Variants in STK32A observed in about 807,000 individuals in gnomAD.
STK32A encodes the protein serine/threonine kinase 32A.
STK32A carries 41 observed loss-of-function variants against 53.2 expected under a neutral mutation model. The ratio of observed to expected loss-of-function variants is 0.77; its 90% CI spans 0.60 to 1.00. The LOEUF is 1.00. Among genes scored for constraint, STK32A ranks in the 50% least tolerant of loss-of-function variants. The pLI is 0.00. For synonymous variants in STK32A, 166 were observed against 162.8 expected (o/e 1.02, Z -0.15); for missense variants, 458 against 485.8 (o/e 0.94, Z 0.54).
At chr5:147,270,685 A>G (rs1419073678) in intron 2 of STK32A, among the ~76,000 whole-genome samples, 5 of 152,368 alleles carry the variant, frequency 3.3e-5, no homozygotes, top group South Asian at 4.1e-4. Flanking sequence ...CTGAAAAAAT[A>G]CACATATAAA....
At chr5:147,274,686 G>A (rs921289324) in intron 2 of STK32A, among the ~76,000 whole-genome samples, 1 of 152,164 alleles carries the variant, frequency 6.6e-6, no homozygotes, top group Non-Finnish European at 1.5e-5. Context: ...AGTAAAAGCA[G>A]TTAGTTCCAG....
At chr5:147,338,078 T>C (rs1581111634) in intron 5 of STK32A, among the ~76,000 whole-genome samples, 1 of 152,300 alleles carries the variant, frequency 6.6e-6, no homozygotes, top group East Asian at 1.9e-4. Flanking sequence ...AATTCATCAT[T>C]AGCTATCTGC....
chr5:147,329,478 C>A (rs1754757203), intron 5 of STK32A, among the ~76,000 whole-genome samples: 1 of 152,168 alleles, frequency 6.6e-6, no homozygotes, highest in East Asian at 1.9e-4. Context: ...GAAGACAATC[C>A]CCCTGTCATA....
the STK32A span, chr5:147,399,333 AC>A: frequency 4.1e-6 from 6 of 1,460,522 alleles, no homozygotes; most frequent in Non-Finnish European, 5.5e-6. Flanking sequence ...GAGAAAGACA[AC>A]CCACAAAGGC....
chr5:147,318,140 G>A (rs116218612), intron 4 of STK32A, among the ~76,000 whole-genome samples: 1 of 151,646 alleles, frequency 6.6e-6, no homozygotes, highest in Non-Finnish European at 1.5e-5. Flanking sequence ...TCCTTTTTAT[G>A]TACCTAAGCA....
intron 4 of STK32A, among the ~76,000 whole-genome samples, chr5:147,281,037 C>A (rs1028259698): frequency 1.3e-5 from 2 of 152,114 alleles, no homozygotes; most frequent in Non-Finnish European, 2.9e-5. Flanking sequence ...ATAGAGATAA[C>A]AATCACTGCA....
chr5:147,341,561 C>T (rs908793377), intron 5 of STK32A, among the ~76,000 whole-genome samples: 1 of 152,190 alleles, frequency 6.6e-6, no homozygotes, highest in Non-Finnish European at 1.5e-5. Context: ...TTGTGCAATG[C>T]AGCCTCAAAC....
chr5:147,272,093 G>T (rs1456142922), intron 2 of STK32A, among the ~76,000 whole-genome samples: 1 of 152,058 alleles, frequency 6.6e-6, no homozygotes, highest in Non-Finnish European at 1.5e-5. Context: ...TTTGTACTCT[G>T]TCCCTTTATT....
Position 147,384,645 on chromosome 5 carries a change from T to G in STK32A, c.*662T>G. 2.3e-6 allele frequency: 1 copy of G among 441,710 alleles called. No homozygotes were observed. Among genetic ancestry groups the G allele is most frequent in the East Asian group, 3.4e-5 (1 of 29,538 alleles). 27.4% of individuals were successfully genotyped at this position (441,710 alleles called of 1,614,324 possible). On this transcript the variant is annotated 3_prime_UTR_variant, in exon 13 of 13. Coordinates refer to ENST00000397936, the MANE Select transcript of STK32A (RefSeq NM_001112724.2). Reference sequence around the variant, plus strand: ...TCTTCAACAATGTGAAAGTGGTAACTTGAAATTGGTAATAATGGGAGCATT... The same window carrying G: ...TCTTCAACAATGTGAAAGTGGTAACGTGAAATTGGTAATAATGGGAGCATT...
At chr5:147,361,330 G>A (rs1007817548) in intron 7 of STK32A, among the ~76,000 whole-genome samples, 187 bp from the exon 8 acceptor site, 1 of 152,182 alleles carries the variant, frequency 6.6e-6, no homozygotes, top group African/African-American at 2.4e-5. Flanking sequence ...GATGAATGAG[G>A]CTACTGAGAG....
At chr5:147,265,048 T>C (rs895305014) in intron 2 of STK32A, among the ~76,000 whole-genome samples, 7 of 150,760 alleles carry the variant, frequency 4.6e-5, no homozygotes, top group African/African-American at 1.7e-4. Flanking sequence ...TTCTTTATAC[T>C]TTGCTGTATT....
chr5:147,348,172 A>G (rs1442556654), intron 6 of STK32A, among the ~76,000 whole-genome samples: 1 of 152,214 alleles, frequency 6.6e-6, no homozygotes, highest in Non-Finnish European at 1.5e-5. Flanking sequence ...TGACTCATAT[A>G]TAAAATAGGG....
chr5:147,303,991 A>G (rs965223090), intron 4 of STK32A, among the ~76,000 whole-genome samples: 1 of 152,238 alleles, frequency 6.6e-6, no homozygotes, highest in African/African-American at 2.4e-5. Flanking sequence ...CAACGCAAGG[A>G]GCCACTAGAA....
At chr5:147,296,702 C>A (rs1028284768) in intron 4 of STK32A, among the ~76,000 whole-genome samples, 1 of 151,930 alleles carries the variant, frequency 6.6e-6, no homozygotes, top group East Asian at 1.9e-4. Flanking sequence ...CTTTTCCTGG[C>A]GCCGGCTGCA....
chr5:147,345,075 G>A (rs1462178202), intron 6 of STK32A, among the ~76,000 whole-genome samples: 1 of 152,182 alleles, frequency 6.6e-6, no homozygotes, highest in African/African-American at 2.4e-5. Flanking sequence ...CCTTGTGAAA[G>A]ATTAATTGTG....
At chr5:147,292,656 G>A (rs969606003) in intron 4 of STK32A, among the ~76,000 whole-genome samples, 5 of 152,162 alleles carry the variant, frequency 3.3e-5, no homozygotes, top group African/African-American at 9.7e-5. Flanking sequence ...ATCACCTGAG[G>A]TCGGGAGTTC....
intron 7 of STK32A, among the ~76,000 whole-genome samples, chr5:147,359,166 G>T (rs1352809904): frequency 6.6e-6 from 1 of 152,032 alleles, no homozygotes; most frequent in African/African-American, 2.4e-5. Context: ...ACTCTCTTAG[G>T]TGCAGGGAAT....
At chr5:147,299,956 A>G (rs1753051325) in intron 4 of STK32A, among the ~76,000 whole-genome samples, 1 of 151,914 alleles carries the variant, frequency 6.6e-6, no homozygotes, top group South Asian at 2.1e-4. Flanking sequence ...GGCCTGACAC[A>G]TTTTGCATAG....
At chr5:147,264,550 A>T (rs1469599853) in intron 2 of STK32A, among the ~76,000 whole-genome samples, 1 of 152,176 alleles carries the variant, frequency 6.6e-6, no homozygotes, top group East Asian at 1.9e-4. Context: ...GTTTACTACA[A>T]CCCAATTGAG....
Sources: gnomAD v4.1 joint callset for allele counts (sites outside exome capture counted in the v4.1 genomes callset) on GRCh38, gnomAD v4.1.1 for gene constraint, MANE v1.5 for transcripts, NCBI Gene and HGNC (gene_info 2026-07-23, HGNC 2026-07-21) for gene names.